The following PCDHA2 variants were observed in gnomAD, a reference collection of about 807,000 sequenced individuals.
PCDHA2 encodes the protein protocadherin alpha 2.
Under a neutral mutation model 66.0 loss-of-function variants are expected in PCDHA2, and 58 were observed. The observed-to-expected ratio is 0.88, with a 90% CI of 0.71 to 1.09. The LOEUF (loss-of-function observed/expected upper bound fraction) is 1.09, where lower values mean the gene tolerates loss of function less well. Ranked by LOEUF, PCDHA2 falls within the 50% of genes least tolerant of loss-of-function variation. The probability of loss-of-function intolerance (pLI) is 0.00; values close to 1 mark genes in which losing one functional copy is unlikely to be tolerated. For synonymous variants in PCDHA2, 634 were observed against 554.0 expected (o/e 1.14, Z -2.03); for missense variants, 1,267 against 1,242.3 (o/e 1.02, Z -0.30).
At chr5:140,876,671 C>A in intron 1 of PCDHA2, 1 of 1,614,212 alleles carries the variant, frequency 6.2e-7, no homozygotes, top group African/African-American at 1.3e-5. Flanking sequence ...CTGGTGTCCA[C>A]CTACAAGAAT....
intron 1 of PCDHA2, among the ~76,000 whole-genome samples, chr5:140,941,907 CT>C (rs1379926904): frequency 7.2e-5 from 11 of 152,106 alleles, no homozygotes; most frequent in African/African-American, 2.7e-4. Context: ...CATTGAAATG[CT>C]TTTATGTATA....
intron 1 of PCDHA2, chr5:140,841,257 C>T: frequency 1.3e-6 from 2 of 1,515,268 alleles, no homozygotes; most frequent in Non-Finnish European, 1.8e-6. Context: ...TTAAAAGACT[C>T]TGAAAGTACA....
Position 140,828,935 on chromosome 5 carries a change from A to T in PCDHA2, c.2388+31583A>T, listed in dbSNP as rs2150160938. The T allele has an allele frequency of 3.7e-6, 6 of 1,614,120 alleles. No individual in the cohort carries two copies. In the African/African-American group the frequency reaches 8.0e-5, roughly 22 times the overall value. ...GAATGGGGCAATTTCATATTCTTTTAATAGCCTTGTTGCAGCCATGGTTAT... is the reference window on the plus strand; with the variant it reads ...GAATGGGGCAATTTCATATTCTTTTTATAGCCTTGTTGCAGCCATGGTTAT... On this transcript the variant is annotated intron_variant, in intron 1 of 3. Transcript: ENST00000526136.
chr5:140,869,429 T>C lies in PCDHA2; in HGVS notation c.2388+72077T>C, dbSNP rs1006497068. ...GAGTGCAGCATCCACCTGGAGGTGA[T>C]CGTGGACAGGCCGCTGCAGGTTTTC... is the stretch of plus-strand genomic sequence containing the variant. On this transcript the variant is annotated intron_variant, in intron 1 of 3. Coordinates refer to ENST00000526136, the MANE Select transcript of PCDHA2 (RefSeq NM_018905.3). The C allele has an allele frequency of 2.2e-5, 35 of 1,614,074 alleles. No homozygotes were observed. The highest frequency in any genetic ancestry group is 3.0e-5 in the Non-Finnish European group (35 of 1,180,048).
chr5:140,862,934 G>C (rs1050739882), intron 1 of PCDHA2: 3 of 542,192 alleles, frequency 5.5e-6, no homozygotes, highest in African/African-American at 2.0e-5. Flanking sequence ...TGGCGGCGCT[G>C]TGAGTGAGCT....
At chr5:140,999,001 C>T (rs1405051280) in intron 3 of PCDHA2, among the ~76,000 whole-genome samples, 3 of 152,214 alleles carry the variant, frequency 2.0e-5, no homozygotes, top group Non-Finnish European at 4.4e-5. Flanking sequence ...AATGCTGGAG[C>T]TGAGATTTGA....
At chr5:140,973,697 C>G (rs1474916406) in intron 1 of PCDHA2, among the ~76,000 whole-genome samples, 1 of 152,226 alleles carries the variant, frequency 6.6e-6, no homozygotes, top group Non-Finnish European at 1.5e-5. Context: ...CTGTTTCCTT[C>G]TGACCCAGGA....
chr5:140,830,729 T>C, intron 1 of PCDHA2: 1 of 215,658 alleles, frequency 4.6e-6, no homozygotes, highest in Non-Finnish European at 9.1e-6. Context: ...AAAATATTCT[T>C]GGATATGTCG....
chr5:140,809,146 C>T, intron 1 of PCDHA2: 1 of 1,613,986 alleles, frequency 6.2e-7, no homozygotes, highest in Non-Finnish European at 8.5e-7. Flanking sequence ...TGGTGAAGGA[C>T]CACGGCGAGC....
At chr5:140,964,634 T>C (rs2095845045) in intron 1 of PCDHA2, among the ~76,000 whole-genome samples, 1 of 151,918 alleles carries the variant, frequency 6.6e-6, no homozygotes, top group Non-Finnish European at 1.5e-5. Flanking sequence ...AGCCATTTAT[T>C]TTCAGAAACA....
intron 1 of PCDHA2, among the ~76,000 whole-genome samples, chr5:140,920,418 G>C (rs1355987486): frequency 6.6e-6 from 1 of 151,868 alleles, no homozygotes; most frequent in Non-Finnish European, 1.5e-5. Flanking sequence ...AGATACAGCT[G>C]TTCTCCCACA....
At chr5:140,833,383 A>G in intron 1 of PCDHA2, among the ~76,000 whole-genome samples, 1 of 152,336 alleles carries the variant, frequency 6.6e-6, no homozygotes, top group African/African-American at 2.4e-5. Context: ...AAAAAGGATG[A>G]AATACCTCAA....
chr5:140,831,691 CA>C (rs1278629646), intron 1 of PCDHA2, among the ~76,000 whole-genome samples: 1 of 152,020 alleles, frequency 6.6e-6, no homozygotes, highest in Non-Finnish European at 1.5e-5. Context: ...TGAAAAGCAG[CA>C]AAAAGTAGTG....
At chr5:140,902,043 G>A (rs1294111308) in intron 1 of PCDHA2, among the ~76,000 whole-genome samples, 2 of 151,980 alleles carry the variant, frequency 1.3e-5, no homozygotes, top group Non-Finnish European at 2.9e-5. Flanking sequence ...TTTGTATGTT[G>A]ATTTTGTATC....
At chr5:140,983,904 C>T (rs1227752084) in intron 3 of PCDHA2, among the ~76,000 whole-genome samples, 2 of 152,164 alleles carry the variant, frequency 1.3e-5, no homozygotes, top group African/African-American at 4.8e-5. Context: ...TTCGTTGATT[C>T]TAATCAGCCA....
chr5:140,904,416 A>T (rs930452191), intron 1 of PCDHA2, among the ~76,000 whole-genome samples: 1 of 150,980 alleles, frequency 6.6e-6, no homozygotes, highest in Non-Finnish European at 1.5e-5. Context: ...TATATAATAC[A>T]TATATTTTAT....
At chr5:140,969,923 A>G (rs1270842223) in intron 1 of PCDHA2, among the ~76,000 whole-genome samples, 3 of 152,234 alleles carry the variant, frequency 2.0e-5, no homozygotes, top group Non-Finnish European at 4.4e-5. Flanking sequence ...AAGCTGTAGT[A>G]TTTAGACATC....
chr5:140,852,182 A>C, intron 1 of PCDHA2: 1 of 758,132 alleles, frequency 1.3e-6, no homozygotes. Context: ...AATAACTATG[A>C]AAATGCCAGT....
At chr5:140,858,446 T>C in intron 1 of PCDHA2, 1 of 1,533,674 alleles carries the variant, frequency 6.5e-7, no homozygotes, top group Non-Finnish European at 8.9e-7. Context: ...GGTGGGTTAT[T>C]ACGTTTTCAT....
Sources: gnomAD v4.1 joint callset for allele counts (sites outside exome capture counted in the v4.1 genomes callset) on GRCh38, gnomAD v4.1.1 for gene constraint, MANE v1.5 for transcripts, NCBI Gene and HGNC (gene_info 2026-07-23, HGNC 2026-07-21) for gene names.